ZAN: variants seen among roughly 807,000 people sequenced by gnomAD.
ZAN encodes the protein zonadhesin, also known as zonadhesin (gene/pseudogene).
Under a neutral mutation model 286.2 loss-of-function variants are expected in ZAN, and 260 were observed. That is an observed-to-expected ratio of 0.91 (90% CI 0.82 to 1.01). The LOEUF is 1.01. ZAN is among the 50% of genes least tolerant of loss of function. The pLI, the probability that ZAN is intolerant of heterozygous loss-of-function variation, is 0.00. For missense variants in ZAN, 3,410 were observed against 3,639.2 expected (o/e 0.94, Z 1.62); for synonymous variants, 1,368 against 1,417.5 (o/e 0.97, Z 0.79).
intron 17 of ZAN, 60 bp from the exon 18 acceptor site, chr7:100,759,661 G>T: frequency 6.6e-7 from 1 of 1,520,924 alleles, no homozygotes; most frequent in Non-Finnish European, 8.8e-7. Flanking sequence ...TCAGGGCACT[G>T]CTCGCGGCAG....
chr7:100,773,688 T>C (rs1459229488), intron 30 of ZAN, 33 bp from the exon 31 acceptor site: 2 of 1,595,992 alleles, frequency 1.3e-6, no homozygotes, highest in African/African-American at 1.3e-5. Flanking sequence ...ATTCCAACTT[T>C]CTGTTGGCTC....
intron 7 of ZAN, among the ~76,000 whole-genome samples, chr7:100,743,112 C>A (rs1807931451): frequency 6.7e-6 from 1 of 149,306 alleles, no homozygotes; most frequent in African/African-American, 2.5e-5. Flanking sequence ...CAACCTCTGC[C>A]TTCCGGGTTC....
At chr7:100,774,580 G>C (rs1810619695) in intron 31 of ZAN, among the ~76,000 whole-genome samples, 1 of 152,112 alleles carries the variant, frequency 6.6e-6, no homozygotes, top group Non-Finnish European at 1.5e-5. Context: ...TACTTGGGAG[G>C]CTGAGGTAGG....
At chr7:100,788,419 G>T (rs899807449) in intron 38 of ZAN, among the ~76,000 whole-genome samples, 26 of 152,054 alleles carry the variant, frequency 1.7e-4, no homozygotes, top group Non-Finnish European at 3.2e-4. Flanking sequence ...GGATATGGGG[G>T]CGCACACCTG....
At position 100,748,450 on chromosome 7, in the gene ZAN, C is replaced by T. The variant is rs756851221; in HGVS notation, c.1229C>T (p.Ala410Val). 45 of 1,612,512 alleles carry T rather than the reference C, an allele frequency of 2.8e-5. No homozygotes were observed. Among genetic ancestry groups the T allele is most frequent in the Non-Finnish European group, 2.5e-5 (30 of 1,179,400 alleles). Residue 410 changes from alanine (A) to valine (V), a missense_variant, in exon 11 of 48, where the codon GCG becomes GTG. Ala to Val is a moderately conservative substitution (Grantham distance 64, BLOSUM62 0). Coordinates refer to ENST00000613979, the MANE Select transcript of ZAN (RefSeq NM_003386.3). ...GGACCCGTCCATGGCATGGGCCCTG[C>T]GGGAGGTTTCCCTAATGCAGGTGAG... The part of the protein sequence containing the change: ...KNGPVHGMGP[A>V]GGFPNAGGHY...
At position 100,769,503 on chromosome 7, in the gene ZAN, TCTTC is replaced by T. The variant is rs533110324; in HGVS notation, c.5154-369_5154-366del. Among the ~76,000 whole-genome samples the T allele has an allele frequency of 3.2e-4, 49 of 151,568 alleles. No homozygotes were observed. In the East Asian group the frequency reaches 9.3e-3, roughly 29 times the overall value. ...TCCTTTCCTTTCCTTCTCTTCCCTTTCTTCCTTCCTTTCTTCCTTCTTCCTTTCC... is the reference window on the plus strand; with the variant it reads ...TCCTTTCCTTTCCTTCTCTTCCCTTTCTTCCTTTCTTCCTTCTTCCTTTCC... On this transcript the variant is annotated intron_variant, in intron 27 of 47. Coordinates refer to ENST00000613979, the MANE Select transcript of ZAN (RefSeq NM_003386.3).
intron 11 of ZAN, among the ~76,000 whole-genome samples, chr7:100,750,257 C>T (rs936141433): frequency 1.3e-5 from 2 of 151,938 alleles, no homozygotes; most frequent in Admixed American, 1.3e-4. Context: ...CTGCCTCAGA[C>T]TCCCGAGTAG....
intron 7 of ZAN, among the ~76,000 whole-genome samples, chr7:100,738,894 TC>T (rs1318704890): frequency 4.0e-4 from 1 of 2,474 alleles, no homozygotes. Context: ...CCTCTCCCTC[TC>T]CCTCTCCCTC....
intron 18 of ZAN, among the ~76,000 whole-genome samples, chr7:100,760,147 G>A (rs1251928107): frequency 1.3e-5 from 2 of 152,138 alleles, no homozygotes; most frequent in Non-Finnish European, 2.9e-5. Context: ...CTGGGAGGTC[G>A]AGGCTGCAGT....
chr7:100,792,171 G>T, intron 41 of ZAN, 23 bp downstream of exon 41: 1 of 1,580,624 alleles, frequency 6.3e-7, no homozygotes, highest in Non-Finnish European at 8.6e-7. Flanking sequence ...CCCAGGACTT[G>T]TGGGAATGGC....
intron 40 of ZAN, among the ~76,000 whole-genome samples, chr7:100,791,560 C>T (rs1811961820): frequency 6.6e-6 from 1 of 151,986 alleles, no homozygotes; most frequent in Non-Finnish European, 1.5e-5. Flanking sequence ...GCATGGGCCA[C>T]CACGCTCAGC....
chr7:100,789,123 T>C (rs1811766020), intron 38 of ZAN, 95 bp from the exon 39 acceptor site: 2 of 1,504,990 alleles, frequency 1.3e-6, no homozygotes, highest in South Asian at 1.3e-5. Context: ...CACGGAGACA[T>C]ATGGAGATGA....
At chr7:100,792,234 A>G in intron 41 of ZAN, 86 bp downstream of exon 41, 1 of 1,502,478 alleles carries the variant, frequency 6.7e-7, no homozygotes, top group Non-Finnish European at 8.9e-7. Flanking sequence ...TTCCTGACCC[A>G]AGCTCTGTGT....
At chr7:100,745,280 A>G (rs905653140) in intron 7 of ZAN, among the ~76,000 whole-genome samples, 1 of 149,798 alleles carries the variant, frequency 6.7e-6, no homozygotes, top group African/African-American at 2.5e-5. Context: ...CCTCCCGCCC[A>G]TTCCCGCCAT....
intron 14 of ZAN, among the ~76,000 whole-genome samples, chr7:100,753,903 C>T (rs577491576): frequency 6.0e-4 from 91 of 150,906 alleles, no homozygotes; most frequent in Admixed American, 1.0e-3. Flanking sequence ...GTTGTGCAAC[C>T]ATCATCACTT....
chr7:100,742,779 A>G (rs1807891185), intron 7 of ZAN, among the ~76,000 whole-genome samples: 1 of 49,478 alleles, frequency 2.0e-5, no homozygotes, highest in African/African-American at 7.7e-5. Context: ...TCAGGCAGGG[A>G]GGTTGCAGTG....
intron 1 of ZAN, 60 bp from the exon 2 acceptor site, chr7:100,733,964 ATTT>A (rs1807123243): frequency 2.6e-6 from 1 of 391,070 alleles, no homozygotes; most frequent in East Asian, 3.9e-5. Flanking sequence ...ATTTCCCTCG[ATTT>A]CAATCTACGA....
chr7:100,762,416 TCTC>T (rs1809660555), intron 20 of ZAN, 58 bp downstream of exon 20: 3 of 1,119,676 alleles, frequency 2.7e-6, no homozygotes, highest in South Asian at 1.8e-5. Flanking sequence ...TTCCTGGAAC[TCTC>T]TTTTTTTTTT....
intron 6 of ZAN, 116 bp downstream of exon 6, chr7:100,737,465 G>C: frequency 1.4e-6 from 1 of 703,952 alleles, no homozygotes; most frequent in Non-Finnish European, 2.2e-6. Context: ...CCAGCACTTT[G>C]GGAGGCCGAG....
Sources: gnomAD v4.1 joint callset for allele counts (sites outside exome capture counted in the v4.1 genomes callset) on GRCh38, gnomAD v4.1.1 for gene constraint, MANE v1.5 for transcripts, NCBI Gene and HGNC (gene_info 2026-07-23, HGNC 2026-07-21) for gene names.